Variants in SEMA3D observed in about 807,000 individuals in gnomAD.
SEMA3D encodes the protein semaphorin-3D.
In SEMA3D, 84 loss-of-function variants were observed where a neutral mutation model predicts 100.1. The observed-to-expected ratio is 0.84, with a 90% CI of 0.70 to 1.01. SEMA3D has a LOEUF of 1.01. Ranked by LOEUF, SEMA3D falls within the 50% of genes least tolerant of loss-of-function variation. SEMA3D has a pLI of 0.00. For missense variants in SEMA3D, 875 were observed against 934.1 expected, an observed-to-expected ratio of 0.94 and a Z score of 0.82; for synonymous variants, 312 against 320.7, an observed-to-expected ratio of 0.97 and a Z score of 0.29.
At chr7:85,239,458 C>T in the SEMA3D span, among the ~76,000 whole-genome samples, 2 of 152,136 alleles carry the variant, frequency 1.3e-5, no homozygotes, top group Admixed American at 1.3e-4. Context: ...CTCCCAGCTT[C>T]CAAAATGATG....
intron 1 of SEMA3D, chr7:85,181,805 C>T: frequency 1.0e-6 from 1 of 967,278 alleles, no homozygotes; most frequent in Non-Finnish European, 1.2e-6. Flanking sequence ...TTAAAGATGA[C>T]CTGGTTGATG....
intron 9 of SEMA3D, among the ~76,000 whole-genome samples, chr7:85,050,077 AC>A (rs1791119013): frequency 3.8e-5 from 1 of 26,224 alleles, no homozygotes. Context: ...AGGGAAACAC[AC>A]ACACACACAC....
At chr7:85,058,747 C>CAAAAAA (rs67267318) in intron 8 of SEMA3D, among the ~76,000 whole-genome samples, 17 of 64,250 alleles carry the variant, frequency 2.6e-4, no homozygotes, top group Admixed American at 5.6e-4. Context: ...GACTCCACTA[C>CAAAAAA]AAAAAAAAAA....
chr7:85,249,804 T>C, the SEMA3D span, among the ~76,000 whole-genome samples: 20 of 152,182 alleles, frequency 1.3e-4, no homozygotes, highest in African/African-American at 4.8e-4. Context: ...TCTCTAAAAC[T>C]GCATCTAGAA....
chr7:85,065,504 G>A lies in SEMA3D; in HGVS notation c.638C>T (p.Thr213Ile), dbSNP rs768247730. ...AGGCCCAAGGGATCGAGTGAATGCA[G>A]TATCTTTGCCAAGGAAATCAGAAGC... ...GTASDFLGKD[T>I]AFTRSLGPTH... is the part of the protein sequence containing the mutation. The change falls in exon 8 of 19, where the codon ACT becomes ATT. Residue 213 changes from threonine to isoleucine, a missense_variant. Physicochemically the swap from Thr to Ile is moderately conservative, Grantham distance 89. Coordinates refer to ENST00000284136, the MANE Select transcript of SEMA3D (RefSeq NM_001384900.1). 2 of 1,612,720 alleles carry A rather than the reference G, an allele frequency of 1.2e-6. No individual in the cohort carries two copies. Among genetic ancestry groups the A allele is most frequent in the South Asian group, 2.2e-5 (2 of 91,046 alleles).
intron 2 of SEMA3D, chr7:85,142,298 T>A (rs1232161208): frequency 1.0e-6 from 1 of 979,150 alleles, no homozygotes; most frequent in Non-Finnish European, 1.2e-6. Flanking sequence ...AAGTACTTAG[T>A]TTTATCTACA....
At chr7:85,170,085 G>A (rs1468517693) in intron 1 of SEMA3D, among the ~76,000 whole-genome samples, 1 of 151,716 alleles carries the variant, frequency 6.6e-6, no homozygotes, top group South Asian at 2.1e-4. Flanking sequence ...GAGCGAGAAA[G>A]AAGGAATTCC....
the SEMA3D span, among the ~76,000 whole-genome samples, chr7:85,224,381 T>A: frequency 6.6e-6 from 1 of 152,332 alleles, no homozygotes; most frequent in African/African-American, 2.4e-5. Flanking sequence ...CAATTCGTCG[T>A]CTTGGATAAA....
At chr7:85,120,809 T>C (rs992848978) in intron 3 of SEMA3D, among the ~76,000 whole-genome samples, 1 of 152,048 alleles carries the variant, frequency 6.6e-6, no homozygotes, top group South Asian at 2.1e-4. Context: ...TTGATACATA[T>C]AAATACATAA....
chr7:85,228,716 G>A, the SEMA3D span, among the ~76,000 whole-genome samples: 2 of 151,498 alleles, frequency 1.3e-5, no homozygotes, highest in African/African-American at 4.9e-5. Flanking sequence ...ATTGTTTTAT[G>A]CCATCTTAAA....
At chr7:85,006,366 C>G (rs1303945564) in intron 18 of SEMA3D, among the ~76,000 whole-genome samples, 1 of 151,880 alleles carries the variant, frequency 6.6e-6, no homozygotes, top group African/African-American at 2.4e-5. Context: ...CTAATTTGCT[C>G]ATATAATTTG....
the SEMA3D span, among the ~76,000 whole-genome samples, chr7:85,233,999 T>C: frequency 6.6e-6 from 1 of 152,196 alleles, no homozygotes; most frequent in South Asian, 2.1e-4. Context: ...CAATATAATT[T>C]TATCAATGTT....
intron 1 of SEMA3D, among the ~76,000 whole-genome samples, chr7:85,180,781 T>C (rs1046318352): frequency 6.6e-6 from 1 of 152,224 alleles, no homozygotes; most frequent in Non-Finnish European, 1.5e-5. Flanking sequence ...GCAGATACTA[T>C]ATTACATTTA....
intron 12 of SEMA3D, among the ~76,000 whole-genome samples, chr7:85,024,870 G>A (rs1790350317): frequency 6.6e-6 from 1 of 151,968 alleles, no homozygotes; most frequent in Non-Finnish European, 1.5e-5. Flanking sequence ...ATATAGCTGT[G>A]CTGCACACAG....
At chr7:85,042,123 A>C (rs1174836577) in intron 10 of SEMA3D, 48 bp downstream of exon 10, 1 of 1,245,570 alleles carries the variant, frequency 8.0e-7, no homozygotes, top group Admixed American at 1.7e-5. Context: ...CAAGTTACTT[A>C]ATTAGGCAGT....
intron 2 of SEMA3D, among the ~76,000 whole-genome samples, chr7:85,134,236 AT>A (rs754538368): frequency 1.4e-5 from 2 of 146,612 alleles, no homozygotes; most frequent in African/African-American, 5.5e-5. Flanking sequence ...AATGAAAAAT[AT>A]TTTTTTAGAA....
At chr7:85,211,417 G>A in the SEMA3D span, among the ~76,000 whole-genome samples, 5 of 151,942 alleles carry the variant, frequency 3.3e-5, no homozygotes, top group African/African-American at 9.7e-5. Context: ...AAGATAGAAA[G>A]CCTGAATATT....
At chr7:85,219,388 T>C in the SEMA3D span, among the ~76,000 whole-genome samples, 4 of 152,110 alleles carry the variant, frequency 2.6e-5, no homozygotes, top group African/African-American at 9.7e-5. Flanking sequence ...ATTTTACTCA[T>C]GTTTGTATAT....
chr7:85,211,661 A>G, the SEMA3D span, among the ~76,000 whole-genome samples: 1 of 152,036 alleles, frequency 6.6e-6, no homozygotes, highest in Non-Finnish European at 1.5e-5. Flanking sequence ...TGATGCTTGA[A>G]CAACACAAGT....
Sources: allele counts gnomAD v4.1 joint callset (sites outside exome capture counted in the v4.1 genomes callset), GRCh38; gene constraint gnomAD v4.1.1; transcripts MANE v1.5; gene names NCBI Gene and HGNC (gene_info 2026-07-23, HGNC 2026-07-21).